The following COMMD10 variants were observed in gnomAD, a reference collection of about 807,000 sequenced individuals.
COMMD10 encodes COMM domain containing 10.
COMMD10 carries 33 observed loss-of-function variants against 28.9 expected under a neutral mutation model. The ratio of observed to expected loss-of-function variants is 1.14; its 90% confidence interval spans 0.87 to 1.53. COMMD10 has a LOEUF of 1.53. Among genes scored for constraint, COMMD10 ranks in the 40% most tolerant of loss-of-function variants. The pLI is 0.00. For missense variants in COMMD10, 310 were observed against 233.4 expected (o/e 1.33, Z -2.14); for synonymous variants, 110 against 81.7 (o/e 1.35, Z -1.87).
At chr5:116,172,386 T>C (rs765078084) in intron 5 of COMMD10, among the ~76,000 whole-genome samples, 2 of 152,060 alleles carry the variant, frequency 1.3e-5, no homozygotes, top group African/African-American at 2.4e-5. Flanking sequence ...ATGATACTAA[T>C]TGTGTTTTGT....
intron 5 of COMMD10, among the ~76,000 whole-genome samples, chr5:116,153,408 T>A (rs902591016): frequency 6.6e-6 from 1 of 152,096 alleles, no homozygotes; most frequent in Admixed American, 6.6e-5. Context: ...AAGGGCCTGC[T>A]GCCTTGAATT....
chr5:116,173,200 G>GA (rs1218088306), intron 5 of COMMD10, among the ~76,000 whole-genome samples: 2 of 151,946 alleles, frequency 1.3e-5, no homozygotes, highest in Non-Finnish European at 2.9e-5. Flanking sequence ...GTTTACAAAT[G>GA]AAAAAAATTG....
chr5:116,283,029 A>G (rs959847644), intron 5 of COMMD10, among the ~76,000 whole-genome samples: 2 of 151,938 alleles, frequency 1.3e-5, no homozygotes, highest in Non-Finnish European at 2.9e-5. Context: ...TGTAGAACCA[A>G]GAATGGAAGA....
intron 5 of COMMD10, among the ~76,000 whole-genome samples, chr5:116,157,828 A>T (rs186142058): frequency 5.3e-5 from 8 of 152,084 alleles, no homozygotes; most frequent in African/African-American, 9.7e-5. Flanking sequence ...GTTCTACATC[A>T]TGTCCAGAAC....
intron 5 of COMMD10, among the ~76,000 whole-genome samples, chr5:116,258,289 C>CT (rs1335337233): frequency 6.6e-6 from 1 of 151,694 alleles, no homozygotes; most frequent in Non-Finnish European, 1.5e-5. Flanking sequence ...ATCTGTAGCA[C>CT]ACTTACTCTC....
At chr5:116,219,225 T>A (rs554103045) in intron 5 of COMMD10, among the ~76,000 whole-genome samples, 1 of 98,442 alleles carries the variant, frequency 1.0e-5, no homozygotes, top group African/African-American at 2.6e-5. Flanking sequence ...GGCTGTTGTT[T>A]AAGCCACCCA....
chr5:116,173,782 A>C (rs1753413002), intron 5 of COMMD10, among the ~76,000 whole-genome samples: 1 of 151,080 alleles, frequency 6.6e-6, no homozygotes, highest in Non-Finnish European at 1.5e-5. Context: ...ATTGGGTATC[A>C]CCTTCCTTGT....
rs112695503 is a variant in COMMD10, at chr5:116,098,219, T to C, written c.399+5519T>C. ...ATTCTGAGAACTGTTTAGGATACTG[T>C]GGCCAAAATAGCCAGATGTGAAAAC... On this transcript the variant is annotated intron_variant, in intron 4 of 6. Transcript: ENST00000274458. 4.8e-3 allele frequency among the ~76,000 whole-genome samples: 738 copies of C among 152,322 alleles called. 6 individuals carry two copies. The highest frequency in any genetic ancestry group is 0.014 in the Middle Eastern group (4 of 294).
intron 5 of COMMD10, among the ~76,000 whole-genome samples, chr5:116,232,166 G>C (rs1025439330): frequency 6.6e-6 from 1 of 152,142 alleles, no homozygotes; most frequent in Admixed American, 6.6e-5. Context: ...AATTTCAGAA[G>C]TCCAAGTTAC....
intron 5 of COMMD10, among the ~76,000 whole-genome samples, chr5:116,289,718 A>G (rs1751316373): frequency 6.6e-6 from 1 of 151,794 alleles, no homozygotes; most frequent in African/African-American, 2.4e-5. Context: ...CATGGGAGAG[A>G]GGCATGCATG....
At chr5:116,199,816 C>A (rs1406326453) in intron 5 of COMMD10, among the ~76,000 whole-genome samples, 1 of 152,132 alleles carries the variant, frequency 6.6e-6, no homozygotes, top group Admixed American at 6.6e-5. Context: ...TGGTCTTCAA[C>A]TCCTGGGCTC....
intron 5 of COMMD10, among the ~76,000 whole-genome samples, chr5:116,287,897 A>C (rs1385126762): frequency 1.3e-5 from 2 of 151,760 alleles, no homozygotes; most frequent in African/African-American, 2.4e-5. Context: ...ACATTTCTAT[A>C]TATTACATGT....
intron 5 of COMMD10, among the ~76,000 whole-genome samples, chr5:116,149,126 A>G (rs1035089508): frequency 8.7e-5 from 13 of 149,470 alleles, no homozygotes; most frequent in African/African-American, 2.5e-4. Flanking sequence ...TGTTCTTGCG[A>G]TAGTTTACTG....
intron 5 of COMMD10, among the ~76,000 whole-genome samples, chr5:116,171,240 G>C (rs973098598): frequency 6.6e-6 from 1 of 152,128 alleles, no homozygotes; most frequent in Non-Finnish European, 1.5e-5. Flanking sequence ...CTCATCATCA[G>C]TGGTCATTAG....
intron 5 of COMMD10, among the ~76,000 whole-genome samples, chr5:116,277,946 T>C (rs1750964640): frequency 6.6e-6 from 1 of 151,872 alleles, no homozygotes; most frequent in Non-Finnish European, 1.5e-5. Context: ...AGTCATTTTA[T>C]AAAGAAAAGA....
At chr5:116,144,793 G>C (rs956900425) in intron 5 of COMMD10, among the ~76,000 whole-genome samples, 1 of 151,870 alleles carries the variant, frequency 6.6e-6, no homozygotes, top group Non-Finnish European at 1.5e-5. Flanking sequence ...TGAGGTGAGA[G>C]TGGAAGTAGT....
chr5:116,134,899 G>A lies in COMMD10; in HGVS notation c.510+721G>A, dbSNP rs60704806. 3.9e-3 allele frequency among the ~76,000 whole-genome samples: 597 copies of A among 152,180 alleles called. 5 individuals carry two copies. The highest frequency in any genetic ancestry group is 0.013 in the African/African-American group (544 of 41,530). On this transcript the variant is annotated intron_variant, in intron 5 of 6. Transcript: ENST00000274458. ...GCCTCCCAAAGTGCTGGGATTACAG[G>A]CGTGAGCCACCGCGCCCGGCCTACA...
chr5:116,121,104 A>G (rs1179559676), intron 4 of COMMD10, among the ~76,000 whole-genome samples: 2 of 152,120 alleles, frequency 1.3e-5, no homozygotes, highest in South Asian at 2.1e-4. Context: ...TTTACATTAG[A>G]TATTTCTCCT....
intron 5 of COMMD10, among the ~76,000 whole-genome samples, chr5:116,177,632 C>G (rs1753559926): frequency 1.3e-5 from 2 of 151,738 alleles, no homozygotes; most frequent in African/African-American, 4.8e-5. Context: ...TAGGAACTTT[C>G]TGTATTCAAT....
Sources: allele counts gnomAD v4.1 joint callset (sites outside exome capture counted in the v4.1 genomes callset), GRCh38; gene constraint gnomAD v4.1.1; transcripts MANE v1.5; gene names NCBI Gene and HGNC (gene_info 2026-07-23, HGNC 2026-07-21).